Variants in SESN2 observed in about 807,000 individuals in gnomAD.
SESN2 encodes sestrin-2.
In SESN2, 42 loss-of-function variants were observed where a neutral mutation model predicts 56.0. The ratio of observed to expected loss-of-function variants is 0.75; its 90% CI spans 0.59 to 0.97. The LOEUF is 0.97. Ranked by LOEUF, SESN2 falls within the 50% of genes least tolerant of loss-of-function variation. SESN2 has a pLI of 0.00. For missense variants in SESN2, 507 were observed against 649.4 expected, an observed-to-expected ratio of 0.78 and a Z score of 2.38; for synonymous variants, 264 against 267.1, an observed-to-expected ratio of 0.99 and a Z score of 0.11.
intron 1 of SESN2, among the ~76,000 whole-genome samples, chr1:28,262,883 G>A (rs1647429780): frequency 6.6e-6 from 1 of 151,720 alleles, no homozygotes; most frequent in South Asian, 2.1e-4. Context: ...AGCCGAGATC[G>A]CTTCACTGTA....
chr1:28,260,045 C>G (rs1018984602), intron 1 of SESN2, 108 bp downstream of exon 1: 13 of 809,834 alleles, frequency 1.6e-5, no homozygotes, highest in Non-Finnish European at 2.3e-5. Context: ...GGAGGGAAAG[C>G]CGAGCGCGTA....
chr1:28,274,788 C>G, intron 7 of SESN2, 37 bp from the exon 8 acceptor site: 1 of 1,535,006 alleles, frequency 6.5e-7, no homozygotes, highest in East Asian at 2.3e-5. Flanking sequence ...TGGTCTTGGG[C>G]TCCAAAGACT....
At position 28,259,913 on chromosome 1, in the gene SESN2, C is replaced by G; in HGVS notation, c.66C>G (p.Gly22=). ...LKDYLRFAPG[G]VGDSGPGEEQ... ...ACTACCTGCGGTTCGCCCCGGGCGG[C>G]GTCGGCGACTCGGGCCCCGGAGAGG... The change falls in exon 1 of 10, where the codon GGC becomes GGG. Residue 22 remains glycine, a synonymous_variant. Coordinates refer to ENST00000253063, the MANE Select transcript of SESN2 (RefSeq NM_031459.5). 1.4e-6 allele frequency: 2 copies of G among 1,477,342 alleles called. No individual in the cohort carries two copies. The highest frequency in any genetic ancestry group is 1.8e-6 in the Non-Finnish European group (2 of 1,119,376). 91.5% of individuals were successfully genotyped at this position (1,477,342 alleles called of 1,614,324 possible).
At chr1:28,279,068 A>G (rs200251238) in intron 8 of SESN2, 29 bp from the exon 9 acceptor site, 1 of 1,612,792 alleles carries the variant, frequency 6.2e-7, no homozygotes, top group Non-Finnish European at 8.5e-7. Context: ...AGAAAGCATG[A>G]GTAATGCTGC....
chr1:28,270,379 T>C (rs1377499467), intron 2 of SESN2, among the ~76,000 whole-genome samples: 1 of 151,882 alleles, frequency 6.6e-6, no homozygotes, highest in Non-Finnish European at 1.5e-5. Context: ...TTGTTTCCTC[T>C]CTTTGCTTTT....
intron 1 of SESN2, among the ~76,000 whole-genome samples, chr1:28,260,565 G>C (rs527242802): frequency 6.6e-6 from 1 of 152,178 alleles, no homozygotes; most frequent in South Asian, 2.1e-4. Flanking sequence ...GCCAAAGCTG[G>C]GGGGAGAGGG....
intron 3 of SESN2, among the ~76,000 whole-genome samples, 161 bp from the exon 4 acceptor site, chr1:28,272,123 G>A (rs1378407545): frequency 1.3e-5 from 2 of 152,200 alleles, no homozygotes; most frequent in Admixed American, 1.3e-4. Flanking sequence ...AAGGAATCAG[G>A]TGGCCTGCAA....
At chr1:28,260,580 A>T (rs928900054) in intron 1 of SESN2, among the ~76,000 whole-genome samples, 11 of 152,158 alleles carry the variant, frequency 7.2e-5, no homozygotes, top group African/African-American at 2.4e-4. Flanking sequence ...AGAGGGGACA[A>T]CCCTGGTCGC....
rs1292532694 is a variant in SESN2 at position 28,269,248 on chromosome 1, G to A, written c.156G>A (p.Glu52=). 1 of 1,610,426 alleles carries A rather than the reference G, an allele frequency of 6.2e-7. No individual in the cohort carries two copies. The highest frequency in any genetic ancestry group is 1.1e-5 in the South Asian group (1 of 90,544). ...CCAGCGCCTTCATCCCCGTGGAGGA[G>A]GTAAGCTTGGAAGGGGTTAGGGATC... The part of the protein sequence containing the change: ...RGPSAFIPVE[E]VLREGAESLE... The change falls in exon 2 of 10, where the codon GAG becomes GAA. Residue 52 remains glutamate, a splice_region_variant and synonymous_variant. Transcript: ENST00000253063.
intron 2 of SESN2, among the ~76,000 whole-genome samples, chr1:28,271,248 A>C (rs1367261476): frequency 6.6e-6 from 1 of 152,148 alleles, no homozygotes; most frequent in Non-Finnish European, 1.5e-5. Flanking sequence ...AGCACTCAGG[A>C]AATGTGAACT....
rs1647787987 is a variant in SESN2, at chr1:28,271,808, C to T, written c.291C>T (p.His97=). ...ACTTTACCAGCTTCTGGCGCCTGCA[C>T]TACCTGCTGCTGCACACGGATGGTC... The part of the protein sequence containing the change: ...PDYFTSFWRL[H]YLLLHTDGPL... The change falls in exon 3 of 10, where the codon CAC becomes CAT. Residue 97 remains histidine, a synonymous_variant. Coordinates refer to ENST00000253063, the MANE Select transcript of SESN2 (RefSeq NM_031459.5). 6.2e-7 allele frequency: 1 copy of T among 1,614,260 alleles called. No individual in the cohort carries two copies. The highest frequency in any genetic ancestry group is 8.5e-7 in the Non-Finnish European group (1 of 1,180,050).
chr1:28,264,525 T>A lies in SESN2; in HGVS notation c.90+4588T>A, dbSNP rs1385258300. Among the ~76,000 whole-genome samples the A allele has an allele frequency of 2.0e-5, 3 of 150,926 alleles. No homozygotes were observed. The South Asian group carries it at 6.3e-4, about 31-fold the overall frequency. On this transcript the variant is annotated intron_variant, in intron 1 of 9. Coordinates refer to ENST00000253063, the MANE Select transcript of SESN2 (RefSeq NM_031459.5). ...TTCTCCCTCTGTCCCACACTAGCTGTTATTTTGGACAGGTGACCTGACCCC... is the reference window on the plus strand; with the variant it reads ...TTCTCCCTCTGTCCCACACTAGCTGATATTTTGGACAGGTGACCTGACCCC...
chr1:28,268,522 G>C (rs921085273), intron 1 of SESN2, among the ~76,000 whole-genome samples: 2 of 151,920 alleles, frequency 1.3e-5, no homozygotes, highest in African/African-American at 4.8e-5. Flanking sequence ...AAAATTAGGT[G>C]AGCGTGGTTG....
chr1:28,268,950 T>C (rs937869801), intron 1 of SESN2, among the ~76,000 whole-genome samples: 2 of 152,218 alleles, frequency 1.3e-5, no homozygotes, highest in African/African-American at 2.4e-5. Flanking sequence ...AATGCTGGGA[T>C]TCTTGGGTCC....
intron 1 of SESN2, among the ~76,000 whole-genome samples, chr1:28,268,892 G>A (rs1416339951): frequency 6.6e-6 from 1 of 152,170 alleles, no homozygotes; most frequent in African/African-American, 2.4e-5. Flanking sequence ...CTGGAGATGT[G>A]CAGCATGATG....
Position 28,259,722 on chromosome 1 carries a change from A to G in SESN2, c.-126A>G. 3.1e-6 allele frequency: 2 copies of G among 635,458 alleles called. No individual in the cohort carries two copies. Among genetic ancestry groups the G allele is most frequent in the Non-Finnish European group, 4.9e-6 (2 of 407,498 alleles). The allele number at this position is 635,458 out of a possible 1,614,324, so 39.4% of individuals were successfully genotyped here. ...GATTCCGGAGCGTTCTGGAGCCCCG[A>G]GAGACGCCCCGGGGTTCTAGAAGCT... On this transcript the variant is annotated 5_prime_UTR_variant, in exon 1 of 10. Transcript: ENST00000253063.
intron 1 of SESN2, among the ~76,000 whole-genome samples, chr1:28,268,363 T>A (rs1002539459): frequency 1.3e-5 from 2 of 151,984 alleles, no homozygotes; most frequent in African/African-American, 2.4e-5. Context: ...TAGTGAGCTA[T>A]GACTGCACCA....
At chr1:28,271,606 A>T in intron 2 of SESN2, 68 bp from the exon 3 acceptor site, 1 of 1,261,062 alleles carries the variant, frequency 7.9e-7, no homozygotes, top group Non-Finnish European at 1.2e-6. Flanking sequence ...CCACTGGAAG[A>T]ATACATTGGT....
chr1:28,264,420 C>A (rs554180667), intron 1 of SESN2, among the ~76,000 whole-genome samples: 1 of 152,172 alleles, frequency 6.6e-6, no homozygotes, highest in Non-Finnish European at 1.5e-5. Context: ...TGTTGAATGA[C>A]CACCTAAAGG....
Sources: allele counts gnomAD v4.1 joint callset (sites outside exome capture counted in the v4.1 genomes callset), GRCh38; gene constraint gnomAD v4.1.1; transcripts MANE v1.5; gene names NCBI Gene and HGNC (gene_info 2026-07-23, HGNC 2026-07-21).